NIPBL: variants seen among roughly 807,000 people sequenced by gnomAD.
The protein encoded by NIPBL is nipped-B-like protein.
NIPBL carries 19 observed loss-of-function variants against 321.8 expected under a neutral mutation model. The observed-to-expected ratio is 0.06, with a 90% CI of 0.04 to 0.09. NIPBL has a LOEUF of 0.09. Among genes scored for constraint, NIPBL ranks in the 10% least tolerant of loss-of-function variants. The pLI is 1.00. For synonymous variants in NIPBL, 1,106 were observed against 1,114.1 expected (o/e 0.99, Z 0.14); for missense variants, 2,210 against 3,327.0 (o/e 0.66, Z 8.26).
chr5:36,903,786 T>C (rs1747415972), intron 1 of NIPBL, among the ~76,000 whole-genome samples: 1 of 152,196 alleles, frequency 6.6e-6, no homozygotes, highest in Non-Finnish European at 1.5e-5. Context: ...TTAAGAAATA[T>C]TAATATTTGA....
chr5:36,982,252 T>A (rs1199496322), intron 9 of NIPBL: 1 of 973,154 alleles, frequency 1.0e-6, no homozygotes, highest in Non-Finnish European at 1.2e-6. Context: ...CCAAAATGAT[T>A]CTTCATAGAG....
Position 37,051,845 on chromosome 5 carries a change from C to A in NIPBL, c.7021C>A (p.Gln2341Lys). ...EPAMRNKADQ[Q>K]LVEIDKKYAG... Reference sequence around the variant, plus strand: ...TGCTATGCGGAACAAGGCTGATCAGCAACTTGTGGAAATAGACAAAAAATA... The same window carrying A: ...TGCTATGCGGAACAAGGCTGATCAGAAACTTGTGGAAATAGACAAAAAATA... Residue 2341 changes from glutamine to lysine, a missense_variant, in exon 41 of 47, where the codon CAA becomes AAA. Coordinates refer to ENST00000282516, the MANE Select transcript of NIPBL (RefSeq NM_133433.4). 6.2e-7 allele frequency: 1 copy of A among 1,613,688 alleles called. No individual in the cohort carries two copies. Among genetic ancestry groups the A allele is most frequent in the African/African-American group, 1.3e-5 (1 of 74,936 alleles).
At chr5:36,909,659 A>G (rs1027242464) in intron 1 of NIPBL, among the ~76,000 whole-genome samples, 8 of 152,198 alleles carry the variant, frequency 5.3e-5, no homozygotes, top group African/African-American at 1.9e-4. Flanking sequence ...ACCTACCTGA[A>G]TGAGTATTAT....
chr5:37,062,145 A>AT (rs1210348188), intron 45 of NIPBL, among the ~76,000 whole-genome samples: 1 of 152,110 alleles, frequency 6.6e-6, no homozygotes, highest in African/African-American at 2.4e-5. Flanking sequence ...CAGTGCTGTT[A>AT]TTTTTTATTG....
At position 36,976,043 on chromosome 5, in the gene NIPBL, G is replaced by A; in HGVS notation, c.1136G>A (p.Gly379Asp). 1 of 1,614,032 alleles carries A rather than the reference G, an allele frequency of 6.2e-7. No individual in the cohort carries two copies. Among genetic ancestry groups the A allele is most frequent in the East Asian group, 2.2e-5 (1 of 44,886 alleles). ...GACCAGCAAGAGGATATGATTTCTG[G>A]TGTGGAAAATAGCAATGTTTCAGAA... ...DMDQQEDMISGVENSNVSEND... is the reference protein window; with the variant it reads ...DMDQQEDMISDVENSNVSEND... The change falls in exon 9 of 47, where the codon GGT (glycine) becomes GAT (aspartate). Residue 379 changes from glycine to aspartate, a missense_variant. This residue lies in a region of NIPBL where 464 missense variants were observed against 529.5 expected (regional missense o/e 0.88). Coordinates refer to ENST00000282516, the MANE Select transcript of NIPBL (RefSeq NM_133433.4).
intron 1 of NIPBL, among the ~76,000 whole-genome samples, chr5:36,896,511 G>C (rs1746748497): frequency 6.6e-6 from 1 of 152,178 alleles, no homozygotes; most frequent in South Asian, 2.1e-4. Context: ...TGAGTTTGGG[G>C]AGTATTGCCT....
At chr5:37,047,680 A>G (rs527915981) in intron 38 of NIPBL, among the ~76,000 whole-genome samples, 82 of 152,312 alleles carry the variant, frequency 5.4e-4, no homozygotes, top group Admixed American at 1.9e-3. Context: ...TTGCCTCTAG[A>G]CCAGTTAATA....
chr5:37,022,008 A>G (rs746956156), intron 27 of NIPBL, 43 bp from the exon 28 acceptor site: 9 of 1,423,452 alleles, frequency 6.3e-6, no homozygotes, highest in African/African-American at 4.2e-5. Flanking sequence ...ATTAAATTTT[A>G]TGTATTCTAA....
At chr5:36,905,052 T>C (rs1397442175) in intron 1 of NIPBL, among the ~76,000 whole-genome samples, 4 of 152,064 alleles carry the variant, frequency 2.6e-5, no homozygotes, top group Non-Finnish European at 5.9e-5. Context: ...AAGTGAAAAA[T>C]TCGACAAAAA....
intron 1 of NIPBL, among the ~76,000 whole-genome samples, chr5:36,915,319 T>C (rs1181943293): frequency 1.3e-5 from 2 of 152,158 alleles, no homozygotes; most frequent in Non-Finnish European, 2.9e-5. Flanking sequence ...ATAGAAAACA[T>C]TTTAAATTGT....
chr5:37,031,412 T>C (rs1751004491), intron 32 of NIPBL, among the ~76,000 whole-genome samples: 1 of 152,250 alleles, frequency 6.6e-6, no homozygotes, highest in Admixed American at 6.5e-5. Flanking sequence ...ACATTTTTTT[T>C]ATTTCTAAAA....
At position 36,877,172 on chromosome 5, in the gene NIPBL, C is replaced by CAT. The variant is rs1323573971; in HGVS notation, c.-86_-85insAT. On this transcript the variant is annotated 5_prime_UTR_variant, in exon 1 of 47. In the 5' UTR this introduces an upstream ATG that the reference lacks. Transcript: ENST00000282516. ...CTCCCCTTGGATTCAGACGCCGATT[C>CAT]GCCCAGGTAAATTCCTGCTCTTTAT... is the stretch of plus-strand genomic sequence containing the variant. 3.7e-6 allele frequency: 1 copy of CAT among 268,804 alleles called. No individual in the cohort carries two copies. Among genetic ancestry groups the CAT allele is most frequent in the Non-Finnish European group, 6.9e-6 (1 of 144,310 alleles). 16.7% of individuals were successfully genotyped at this position (268,804 alleles called of 1,614,324 possible). A position where few individuals can be genotyped will look rare whatever the true frequency, so the allele number is the denominator to read the frequency against.
intron 1 of NIPBL, among the ~76,000 whole-genome samples, chr5:36,924,076 A>G (rs1224213498): frequency 1.3e-5 from 2 of 152,188 alleles, no homozygotes; most frequent in Non-Finnish European, 2.9e-5. Flanking sequence ...ATTTGTTAAC[A>G]TGATTGCTTA....
At chr5:36,883,746 T>C (rs1489176533) in intron 1 of NIPBL, among the ~76,000 whole-genome samples, 1 of 152,040 alleles carries the variant, frequency 6.6e-6, no homozygotes. Context: ...TTGTCTTTAT[T>C]TGAATCAGAT....
intron 37 of NIPBL, 32 bp from the exon 38 acceptor site, chr5:37,046,077 A>G (rs200016234): frequency 9.2e-7 from 1 of 1,086,814 alleles, no homozygotes; most frequent in Non-Finnish European, 1.4e-6. Context: ...GTTACTGTTC[A>G]TGAACACTTT....
intron 10 of NIPBL, among the ~76,000 whole-genome samples, chr5:36,987,783 CTTAA>C (rs1440205877): frequency 1.3e-5 from 2 of 152,048 alleles, no homozygotes; most frequent in Non-Finnish European, 2.9e-5. Context: ...AGACATCAGC[CTTAA>C]TTAATAAGTA....
intron 44 of NIPBL, among the ~76,000 whole-genome samples, chr5:37,060,404 T>A (rs909867174): frequency 1.3e-5 from 2 of 152,158 alleles, no homozygotes; most frequent in African/African-American, 4.8e-5. Flanking sequence ...CCTCAAGTGA[T>A]CCTCCCACAC....
At chr5:36,997,239 T>G (rs866849141) in intron 11 of NIPBL, among the ~76,000 whole-genome samples, 1 of 152,142 alleles carries the variant, frequency 6.6e-6, no homozygotes, top group African/African-American at 2.4e-5. Context: ...ATCACCCATA[T>G]CTAGAACAGC....
chr5:36,947,813 A>T (rs1294945735), intron 1 of NIPBL, among the ~76,000 whole-genome samples: 1 of 151,996 alleles, frequency 6.6e-6, no homozygotes, highest in African/African-American at 2.4e-5. Flanking sequence ...ATCTCAGCAT[A>T]TACCCGACCC....
Sources: gnomAD v4.1 joint callset for allele counts (sites outside exome capture counted in the v4.1 genomes callset) on GRCh38, gnomAD v4.1.1 for gene constraint, gnomAD v4.1.1 regional missense constraint, MANE v1.5 for transcripts, NCBI Gene and HGNC (gene_info 2026-07-23, HGNC 2026-07-21) for gene names.